The following DCHS2 variants were observed in gnomAD, a reference collection of about 807,000 sequenced individuals.
The protein encoded by DCHS2 is protocadherin-23.
Under a neutral mutation model 182.4 loss-of-function variants are expected in DCHS2, and 142 were observed. That is an observed-to-expected ratio of 0.78 (90% CI 0.68 to 0.89). The LOEUF is 0.89. Among genes scored for constraint, DCHS2 ranks in the 40% least tolerant of loss-of-function variants. The probability of loss-of-function intolerance (pLI) is 0.00; values close to 1 mark genes in which losing one functional copy is unlikely to be tolerated. For missense variants in DCHS2, 4,319 were observed against 4,198.6 expected, an observed-to-expected ratio of 1.03 and a Z score of -0.79; for synonymous variants, 1,740 against 1,663.3, an observed-to-expected ratio of 1.05 and a Z score of -1.12.
At chr4:154,251,357 G>A (rs1487541392) in intron 16 of DCHS2, among the ~76,000 whole-genome samples, 1 of 151,944 alleles carries the variant, frequency 6.6e-6, no homozygotes, top group Non-Finnish European at 1.5e-5. Flanking sequence ...TCGGATTCTT[G>A]GCCAAACCAC....
intron 19 of DCHS2, 169 bp from the exon 20 acceptor site, chr4:154,237,328 A>G (rs750936257): frequency 1.8e-5 from 17 of 943,750 alleles, no homozygotes; most frequent in African/African-American, 1.2e-4. Context: ...TTGTATTTAT[A>G]TGTTTATAAC....
chr4:154,478,663 C>A (rs35994594), intron 1 of DCHS2, among the ~76,000 whole-genome samples: 27,483 of 152,068 alleles, frequency 0.18, 3,075 homozygotes, highest in Non-Finnish European at 0.26. Flanking sequence ...GAAATCCGGG[C>A]AAGCTCGAAA....
intron 1 of DCHS2, among the ~76,000 whole-genome samples, chr4:154,462,887 T>C (rs569751566): frequency 6.6e-6 from 1 of 152,184 alleles, no homozygotes; most frequent in Non-Finnish European, 1.5e-5. Context: ...CTACAACTAA[T>C]GTAAGATTGC....
intron 1 of DCHS2, among the ~76,000 whole-genome samples, chr4:154,399,184 C>T (rs1190465559): frequency 6.6e-6 from 1 of 152,156 alleles, no homozygotes; most frequent in Non-Finnish European, 1.5e-5. Context: ...TTCCATTTTC[C>T]ATTCTGGATT....
Position 154,457,008 on chromosome 4 carries a change from G to T in DCHS2, c.2052+32296C>A, listed in dbSNP as rs191800830. Among the ~76,000 whole-genome samples the T allele has an allele frequency of 2.8e-3, 425 of 152,264 alleles. 2 individuals are homozygous for T. The highest frequency in any genetic ancestry group is 9.6e-3 in the African/African-American group (398 of 41,572). On this transcript the variant is annotated intron_variant, in intron 1 of 19. Coordinates refer to ENST00000357232, the MANE Select transcript of DCHS2 (RefSeq NM_001358235.2). ...TAAAATATAACTGCAACCCACTAGA[G>T]TATGAGTTCCATGAAGGCATGACCA... is the stretch of plus-strand genomic sequence containing the variant.
chr4:154,424,777 A>T (rs1733254298), intron 1 of DCHS2, among the ~76,000 whole-genome samples: 1 of 152,324 alleles, frequency 6.6e-6, no homozygotes, highest in African/African-American at 2.4e-5. Flanking sequence ...CAGAAAGATT[A>T]TCTTCATTCA....
At chr4:154,369,144 T>C (rs1175407213) in intron 2 of DCHS2, among the ~76,000 whole-genome samples, 1 of 152,164 alleles carries the variant, frequency 6.6e-6, no homozygotes, top group East Asian at 1.9e-4. Context: ...CTATCCTCAA[T>C]GAAATGACAA....
rs776349062 is a variant in DCHS2 at position 154,236,727 on chromosome 4, CA to C, written c.7924del (p.Cys2642AlafsTer4). On this transcript the variant is annotated frameshift_variant, in exon 20 of 20. Coordinates refer to ENST00000357232, the MANE Select transcript of DCHS2 (RefSeq NM_001358235.2). LOFTEE classifies it low-confidence loss of function (END_TRUNC). Reference sequence around the variant, plus strand: ...GACAGCTGTGGAACTCAATGGAGGGCAGCCACTGTCAGATGCCAGAATGACA... The same window carrying C: ...GACAGCTGTGGAACTCAATGGAGGGCGCCACTGTCAGATGCCAGAATGACA... ...ELVILASDSG[C>X]PPLSSTAVIS... The C allele has an allele frequency of 2.5e-6, 4 of 1,613,852 alleles. No homozygotes were observed. In the African/African-American group the frequency reaches 5.3e-5, roughly 22 times the overall value.
At chr4:154,309,339 A>G (rs1208256248) in intron 10 of DCHS2, among the ~76,000 whole-genome samples, 1 of 152,144 alleles carries the variant, frequency 6.6e-6, no homozygotes, top group East Asian at 1.9e-4. Flanking sequence ...CTAGAAGGAG[A>G]CCAAAAGTCA....
chr4:154,419,821 C>CAAAA (rs369876828), intron 1 of DCHS2, among the ~76,000 whole-genome samples: 3 of 122,566 alleles, frequency 2.4e-5, no homozygotes, highest in Non-Finnish European at 3.3e-5. Context: ...AGAACAAGAC[C>CAAAA]AAAAAAAAAA....
At chr4:154,405,634 A>T (rs1464098661) in intron 1 of DCHS2, among the ~76,000 whole-genome samples, 2 of 151,778 alleles carry the variant, frequency 1.3e-5, no homozygotes, top group African/African-American at 2.4e-5. Flanking sequence ...TATCCTTTTC[A>T]TTTCTGAATT....
In DCHS2 at chr4:154,490,366, G is replaced by C. The variant is rs1728768516; in HGVS notation, c.990C>G (p.Phe330Leu). ...GCCGGGCGCGGACGCTGTAGCGCAC[G>C]AAGCCATTGGGCCCCAGGTCGCGGT... ...ATDRDLGPNG[F>L]VRYSVRARQV... is the part of the protein sequence containing the mutation. Residue 330 changes from phenylalanine to leucine, a missense_variant, in exon 1 of 20, where the codon TTC becomes TTG. Transcript: ENST00000357232. 6.5e-7 allele frequency: 1 copy of C among 1,537,068 alleles called. No homozygotes were observed. Among genetic ancestry groups the C allele is most frequent in the African/African-American group, 1.4e-5 (1 of 72,768 alleles).
At chr4:154,252,608 A>ATGACT in intron 16 of DCHS2, among the ~76,000 whole-genome samples, 1 of 151,528 alleles carries the variant, frequency 6.6e-6, no homozygotes, top group South Asian at 2.1e-4. Context: ...ACTTAACATA[A>ATGACT]TGACTTCCAG....
intron 3 of DCHS2, among the ~76,000 whole-genome samples, chr4:154,361,830 C>T (rs1430653544): frequency 6.6e-6 from 1 of 151,854 alleles, no homozygotes; most frequent in African/African-American, 2.4e-5. Context: ...ATGCATGAGT[C>T]TTGGTTGTGG....
chr4:154,456,410 A>AGATCT (rs1734769490), intron 1 of DCHS2, among the ~76,000 whole-genome samples: 1 of 152,200 alleles, frequency 6.6e-6, no homozygotes, highest in Non-Finnish European at 1.5e-5. Flanking sequence ...AGGAATCTGC[A>AGATCT]GTCCAACGGA....
intron 9 of DCHS2, among the ~76,000 whole-genome samples, chr4:154,318,309 G>A (rs911081895): frequency 1.7e-4 from 25 of 151,372 alleles, no homozygotes; most frequent in African/African-American, 6.1e-4. Flanking sequence ...TGTATCTTAA[G>A]AACCATCATT....
chr4:154,284,372 C>T (rs1401417394), intron 13 of DCHS2: 1 of 152,138 alleles, frequency 6.6e-6, no homozygotes, highest in Admixed American at 6.6e-5. Context: ...GATTGTCCTC[C>T]CAACAGGGAA....
intron 1 of DCHS2, among the ~76,000 whole-genome samples, chr4:154,432,300 T>C (rs1733591988): frequency 6.6e-6 from 1 of 152,188 alleles, no homozygotes; most frequent in Non-Finnish European, 1.5e-5. Flanking sequence ...TGCTAAAGAC[T>C]CTCAGCTTAT....
At chr4:154,332,381 TTTTG>T (rs1484519972) in intron 5 of DCHS2, 93 bp downstream of exon 5, 30 of 1,142,544 alleles carry the variant, frequency 2.6e-5, no homozygotes, top group African/African-American at 1.7e-4. Flanking sequence ...TCAATCCTGA[TTTTG>T]TTTAATTTTT....
Sources: gnomAD v4.1 joint callset for allele counts (sites outside exome capture counted in the v4.1 genomes callset) on GRCh38, gnomAD v4.1.1 for gene constraint, MANE v1.5 for transcripts, NCBI Gene and HGNC (gene_info 2026-07-23, HGNC 2026-07-21) for gene names.